The following TMEM223 variants were observed in gnomAD, a reference collection of about 807,000 sequenced individuals.
The protein encoded by TMEM223 is transmembrane protein 223.
Under a neutral mutation model 14.1 loss-of-function variants are expected in TMEM223, and 14 were observed. That is an observed-to-expected ratio of 0.99 (90% CI 0.66 to 1.55). TMEM223 has a LOEUF of 1.55. TMEM223 is among the 40% of genes most tolerant of loss of function. TMEM223 has a pLI of 0.00. For missense variants in TMEM223, 346 were observed against 269.9 expected, an observed-to-expected ratio of 1.28 and a Z score of -1.97; for synonymous variants, 145 against 120.5, an observed-to-expected ratio of 1.20 and a Z score of -1.33.
chr11:62,772,635 G>T (rs2084156991), intron 2 of TMEM223, among the ~76,000 whole-genome samples: 1 of 151,350 alleles, frequency 6.6e-6, no homozygotes, highest in Admixed American at 6.6e-5. Context: ...TTCCAGACCA[G>T]CTTGGCTACC....
chr11:62,774,795 A>G, intron 1 of TMEM223: 1 of 344,344 alleles, frequency 2.9e-6, no homozygotes. Flanking sequence ...CTAAAAATAC[A>G]AAAATTAGCT....
At chr11:62,784,581 C>T (rs2084256768), downstream of TMEM223, among the ~76,000 whole-genome samples, 2 of 152,194 alleles carry the variant, frequency 1.3e-5, no homozygotes, top group Non-Finnish European at 2.9e-5. Context: ...GTTGGGATTA[C>T]AGGTGTGAGC....
At chr11:62,776,561 C>T in intron 1 of TMEM223, 1 of 1,301,728 alleles carries the variant, frequency 7.7e-7, no homozygotes, top group Non-Finnish European at 1.1e-6. Flanking sequence ...GACATTAAGA[C>T]CAAACGCTGC....
intron 2 of TMEM223, among the ~76,000 whole-genome samples, chr11:62,772,849 G>T (rs1455313928): frequency 1.4e-5 from 2 of 145,988 alleles, no homozygotes; most frequent in African/African-American, 2.7e-5. Flanking sequence ...TCTTTTAGAA[G>T]ATCTTTTTTT....
Position 62,790,226 on chromosome 11 carries a change from T to TA in TMEM223, c.*396dup. 1 of 673,472 alleles carries TA rather than the reference T, an allele frequency of 1.5e-6. No homozygotes were observed. The highest frequency in any genetic ancestry group is 2.4e-6 in the Non-Finnish European group (1 of 417,012). The allele number at this position is 673,472 out of a possible 1,614,324, so 41.7% of individuals were successfully genotyped here. ...TGCAGCTGTTTTTGTACCAAAATAT[T>TA]ATATTACTGTCTTCATCTTAGTAGT... On this transcript the variant is annotated 3_prime_UTR_variant, in exon 2 of 2. Transcript: ENST00000307366.
chr11:62,775,208 G>T lies in TMEM223; in HGVS notation c.315-543C>A, dbSNP rs997484782. On this transcript the variant is annotated intron_variant, in intron 1 of 2. Transcript: ENST00000528367. ...TTTCTTCATGTGGCTGCAGCTAGGA[G>T]AAGTGCCGAGCAAAAGGGGGAAAAG... 5.1e-4 allele frequency among the ~76,000 whole-genome samples: 77 copies of T among 152,186 alleles called. 3 individuals are homozygous for T. The highest frequency in any genetic ancestry group is 4.4e-5 in the Non-Finnish European group (3 of 68,036).
chr11:62,779,067 C>G, intron 1 of TMEM223: 7 of 970,772 alleles, frequency 7.2e-6, no homozygotes, highest in Non-Finnish European at 1.1e-5. Flanking sequence ...GTTGCCCAGG[C>G]TGGAGTGCAA....
downstream of TMEM223, chr11:62,789,852 C>T: frequency 6.3e-7 from 1 of 1,599,686 alleles, no homozygotes; most frequent in African/African-American, 1.3e-5. Context: ...TGAAATGGTC[C>T]CACTCCTGAC....
chr11:62,782,168 G>A (rs143375984), intron 1 of TMEM223: 18 of 1,613,810 alleles, frequency 1.1e-5, no homozygotes, highest in Middle Eastern at 1.6e-4. Flanking sequence ...CAGGTGGCAC[G>A]GAGCCTATTT....
chr11:62,773,708 A>G (rs1425661702), intron 2 of TMEM223, among the ~76,000 whole-genome samples: 2 of 152,186 alleles, frequency 1.3e-5, no homozygotes, highest in African/African-American at 4.8e-5. Context: ...TTGGCCTCCG[A>G]AAGTGCTGGG....
intron 1 of TMEM223, chr11:62,775,891 C>T (rs746286093): frequency 1.1e-5 from 18 of 1,613,772 alleles, no homozygotes; most frequent in Non-Finnish European, 1.4e-5. Flanking sequence ...CGGCGCTGCT[C>T]GCAGAGGACG....
Position 62,791,722 on chromosome 11 carries a change from G to T in TMEM223, c.273C>A (p.Ser91=), listed in dbSNP as rs1013998907. ...CGGCCAGACCGTAGCGCCAGAGCGC[G>T]GAGCGCAGGTCGAAGGGGCCACGAT... ...VPNRGPFDLR[S]ALWRYGLAVG... The change falls in exon 1 of 2, where the codon TCC becomes TCA. Residue 91 remains serine (S), a synonymous_variant. Coordinates refer to ENST00000307366, the MANE Select transcript of TMEM223 (RefSeq NM_001080501.3). 1.3e-6 allele frequency: 2 copies of T among 1,553,252 alleles called. No individual in the cohort carries two copies. The highest frequency in any genetic ancestry group is 1.9e-5 in the Admixed American group (1 of 51,714).
downstream of TMEM223, chr11:62,787,661 C>T: frequency 3.3e-6 from 4 of 1,195,760 alleles, no homozygotes; most frequent in Admixed American, 2.8e-5. Flanking sequence ...TGGCGCCGGC[C>T]TGTACCTGAA....
At position 62,790,877 on chromosome 11, in the gene TMEM223, GGAGA is replaced by G; in HGVS notation, c.351_354del (p.Leu118GlyfsTer15). ...CGAAGCACCACTGAGCGCACAGACC[GGAGA>G]GAGAAGAGAAGACCAGCACCGAGTA... On this transcript the variant is annotated frameshift_variant, in exon 2 of 2. Coordinates refer to ENST00000307366, the MANE Select transcript of TMEM223 (RefSeq NM_001080501.3). LOFTEE classifies it high-confidence loss of function. 4 of 1,600,918 alleles carry G rather than the reference GGAGA, an allele frequency of 2.5e-6. No individual in the cohort carries two copies. The highest frequency in any genetic ancestry group is 3.4e-6 in the Non-Finnish European group (4 of 1,172,318).
chr11:62,779,237 C>T (rs958611258), intron 1 of TMEM223, among the ~76,000 whole-genome samples: 2 of 152,024 alleles, frequency 1.3e-5, no homozygotes, highest in African/African-American at 4.8e-5. Flanking sequence ...CATTGTCACC[C>T]AGGCTGGAGT....
intron 1 of TMEM223, chr11:62,782,063 C>G (rs372441553): frequency 1.0e-5 from 16 of 1,588,974 alleles, no homozygotes; most frequent in Non-Finnish European, 1.4e-5. Flanking sequence ...GAATGGTGGG[C>G]TCCTGCCTGT....
downstream of TMEM223, chr11:62,782,855 G>GT (rs1160629899): frequency 8.1e-6 from 13 of 1,608,894 alleles, no homozygotes; most frequent in Non-Finnish European, 1.1e-5. Context: ...TCACACAGCC[G>GT]TAAGAACTCC....
At position 62,776,351 on chromosome 11, in the gene TMEM223, C is replaced by T. The variant is rs148580239; in HGVS notation, c.315-1686G>A. 5.8e-4 allele frequency: 935 copies of T among 1,610,470 alleles called. 10 individuals carry two copies. The East Asian group carries it at 0.018, about 32-fold the overall frequency. ...TTTCCCATGCCCCCTGCTTCACATCCTTTGACTCTGGCTTTTGTTCCCTCC... is the reference window on the plus strand; with the variant it reads ...TTTCCCATGCCCCCTGCTTCACATCTTTTGACTCTGGCTTTTGTTCCCTCC... On this transcript the variant is annotated intron_variant, in intron 1 of 2. Transcript: ENST00000528367.
intron 1 of TMEM223, chr11:62,781,837 C>A: frequency 7.1e-7 from 1 of 1,400,846 alleles, no homozygotes; most frequent in Non-Finnish European, 1.0e-6. Flanking sequence ...AAGAATACCG[C>A]ATTCATGTTT....
Sources: allele counts gnomAD v4.1 joint callset (sites outside exome capture counted in the v4.1 genomes callset), GRCh38; gene constraint gnomAD v4.1.1; transcripts MANE v1.5; gene names NCBI Gene and HGNC (gene_info 2026-07-23, HGNC 2026-07-21).